LYPLAL1: variants seen among roughly 807,000 people sequenced by gnomAD.
LYPLAL1 encodes lysophospholipase like 1.
Under a neutral mutation model 19.7 loss-of-function variants are expected in LYPLAL1, and 23 were observed. That is an observed-to-expected ratio of 1.17 (90% CI 0.84 to 1.65). The LOEUF is 1.65. Ranked by LOEUF, LYPLAL1 falls within the 40% of genes most tolerant of loss-of-function variation. The pLI is 0.00. For missense variants in LYPLAL1, 355 were observed against 279.4 expected, an observed-to-expected ratio of 1.27 and a Z score of -1.93; for synonymous variants, 119 against 96.3, an observed-to-expected ratio of 1.24 and a Z score of -1.38.
At chr1:219,300,481 G>C in the LYPLAL1 span, among the ~76,000 whole-genome samples, 1 of 150,774 alleles carries the variant, frequency 6.6e-6, no homozygotes, top group Non-Finnish European at 1.5e-5. Flanking sequence ...TTATAAAAGA[G>C]GGAAAAAAGG....
At chr1:219,213,074 G>A (rs556500590), downstream of LYPLAL1, among the ~76,000 whole-genome samples, 2 of 152,098 alleles carry the variant, frequency 1.3e-5, no homozygotes, top group Admixed American at 6.5e-5. Flanking sequence ...TATCCATTCA[G>A]TAAGTATATG....
Position 219,212,459 on chromosome 1 carries a change from C to T in LYPLAL1, c.*731C>T, listed in dbSNP as rs1430220768. 1.3e-5 allele frequency: 2 copies of T among 151,842 alleles called. No individual in the cohort carries two copies. The highest frequency in any genetic ancestry group is 4.8e-5 in the African/African-American group (2 of 41,362). The allele number at this position is 151,842 out of a possible 1,614,324, so 9.4% of individuals were successfully genotyped here. ...ATAATAAACACTCAATAAAGATTAA[C>T]CATAAGGAGAGTCATGATCTGGTTC... On this transcript the variant is annotated 3_prime_UTR_variant, in exon 5 of 5. Coordinates refer to ENST00000366928, the MANE Select transcript of LYPLAL1 (RefSeq NM_138794.5).
chr1:219,439,612 G>C, the LYPLAL1 span, among the ~76,000 whole-genome samples: 1 of 151,974 alleles, frequency 6.6e-6, no homozygotes, highest in African/African-American at 2.4e-5. Flanking sequence ...GAATACTATG[G>C]ACACTCCTAG....
the LYPLAL1 span, among the ~76,000 whole-genome samples, chr1:219,290,328 T>A: frequency 2.6e-5 from 4 of 152,106 alleles, no homozygotes; most frequent in African/African-American, 9.7e-5. Context: ...CTAGGAAAAA[T>A]GAGGCTGAGA....
the LYPLAL1 span, among the ~76,000 whole-genome samples, chr1:219,244,422 C>G: frequency 6.6e-6 from 1 of 152,038 alleles, no homozygotes; most frequent in South Asian, 2.1e-4. Context: ...CTGGAAAATT[C>G]CACAGTGGAG....
At chr1:219,373,609 C>T in the LYPLAL1 span, among the ~76,000 whole-genome samples, 1 of 152,068 alleles carries the variant, frequency 6.6e-6, no homozygotes, top group Non-Finnish European at 1.5e-5. Flanking sequence ...AGAAGTCGCA[C>T]TCAAAAAGCT....
the LYPLAL1 span, among the ~76,000 whole-genome samples, chr1:219,289,129 G>A: frequency 1.4e-5 from 2 of 141,102 alleles, no homozygotes; most frequent in Admixed American, 7.8e-5. Flanking sequence ...CACAGGACCC[G>A]AGGATGTGTA....
At chr1:219,219,712 TTGTGTG>T in the LYPLAL1 span, among the ~76,000 whole-genome samples, 2 of 151,370 alleles carry the variant, frequency 1.3e-5, no homozygotes, top group East Asian at 3.9e-4. Context: ...GGGTTCATGT[TTGTGTG>T]TGTGTGTGTG....
At chr1:219,218,578 G>A in the LYPLAL1 span, among the ~76,000 whole-genome samples, 1 of 151,256 alleles carries the variant, frequency 6.6e-6, no homozygotes, top group African/African-American at 2.4e-5. Flanking sequence ...TCTTCTTCCA[G>A]TGTGGCCCAG....
intron 3 of LYPLAL1, among the ~76,000 whole-genome samples, chr1:219,203,318 ATCT>A (rs1019672303): frequency 2.5e-4 from 38 of 149,906 alleles, no homozygotes; most frequent in African/African-American, 8.1e-4. Flanking sequence ...ACAGTATGTG[ATCT>A]TCTACCTTTT....
At chr1:219,263,420 G>A in the LYPLAL1 span, among the ~76,000 whole-genome samples, 1 of 152,102 alleles carries the variant, frequency 6.6e-6, no homozygotes, top group Admixed American at 6.6e-5. Flanking sequence ...TTACAAGCCT[G>A]CCACTGAGAA....
At chr1:219,252,074 G>A in the LYPLAL1 span, among the ~76,000 whole-genome samples, 1 of 151,898 alleles carries the variant, frequency 6.6e-6, no homozygotes, top group Non-Finnish European at 1.5e-5. Flanking sequence ...TTTCTGATTT[G>A]GCTGTTGGTT....
the LYPLAL1 span, among the ~76,000 whole-genome samples, chr1:219,416,328 C>G: frequency 0.023 from 3,539 of 152,248 alleles, 129 homozygotes; most frequent in African/African-American, 0.081. Context: ...AGGAGTACTG[C>G]TCAGGGATTT....
chr1:219,334,068 T>C, the LYPLAL1 span, among the ~76,000 whole-genome samples: 2 of 152,174 alleles, frequency 1.3e-5, no homozygotes, highest in Middle Eastern at 3.4e-3. Context: ...CCTTGTTTAT[T>C]CAGTTTCCCC....
intron 2 of LYPLAL1, among the ~76,000 whole-genome samples, chr1:219,190,785 A>T (rs1175893272): frequency 1.3e-5 from 2 of 151,812 alleles, no homozygotes; most frequent in East Asian, 3.9e-4. Flanking sequence ...ATAGGAAAAA[A>T]TAATAGCAAA....
the LYPLAL1 span, among the ~76,000 whole-genome samples, chr1:219,411,215 A>G: frequency 5.2e-3 from 635 of 121,614 alleles, 7 homozygotes; most frequent in African/African-American, 0.018. Flanking sequence ...CAGTGCACCA[A>G]TCGACACTCT....
the LYPLAL1 span, among the ~76,000 whole-genome samples, chr1:219,333,209 C>T: frequency 4.6e-5 from 7 of 152,160 alleles, no homozygotes; most frequent in Admixed American, 2.0e-4. Context: ...AATCTTTATT[C>T]CATCTGAAAC....
At chr1:219,401,383 T>C in the LYPLAL1 span, among the ~76,000 whole-genome samples, 5 of 149,986 alleles carry the variant, frequency 3.3e-5, no homozygotes, top group African/African-American at 1.2e-4. Context: ...CTTCTTGCAA[T>C]AAAACATATT....
chr1:219,228,880 T>A, the LYPLAL1 span, among the ~76,000 whole-genome samples: 14 of 151,882 alleles, frequency 9.2e-5, no homozygotes, highest in Admixed American at 9.2e-4. Context: ...GGTTTCTCCA[T>A]GTTGGTCAGG....
Sources: gnomAD v4.1 joint callset for allele counts (sites outside exome capture counted in the v4.1 genomes callset) on GRCh38, gnomAD v4.1.1 for gene constraint, MANE v1.5 for transcripts, NCBI Gene and HGNC (gene_info 2026-07-23, HGNC 2026-07-21) for gene names.